CNTNAP2: variants seen among roughly 807,000 people sequenced by gnomAD.
CNTNAP2 encodes the protein contactin-associated protein-like 2.
CNTNAP2 carries 98 observed loss-of-function variants against 155.2 expected under a neutral mutation model. The observed-to-expected ratio is 0.63, with a 90% CI of 0.54 to 0.75. The LOEUF (loss-of-function observed/expected upper bound fraction) is 0.75. CNTNAP2 is among the 30% of genes least tolerant of loss of function. The probability of loss-of-function intolerance (pLI) is 0.00; values close to 1 mark genes in which losing one functional copy is unlikely to be tolerated. For synonymous variants in CNTNAP2, 651 were observed against 631.2 expected, an observed-to-expected ratio of 1.03 and a Z score of -0.47; for missense variants, 1,727 against 1,688.1, an observed-to-expected ratio of 1.02 and a Z score of -0.40.
intron 8 of CNTNAP2, among the ~76,000 whole-genome samples, chr7:147,161,386 A>G (rs1265986232): frequency 2.0e-5 from 3 of 152,166 alleles, no homozygotes; most frequent in Non-Finnish European, 4.4e-5. Flanking sequence ...ACATATGTGT[A>G]TATTAACATA....
At chr7:147,747,240 C>T (rs1034109906) in intron 13 of CNTNAP2, among the ~76,000 whole-genome samples, 1 of 152,172 alleles carries the variant, frequency 6.6e-6, no homozygotes, top group Non-Finnish European at 1.5e-5. Context: ...TCATGTCCTC[C>T]TTTGTGTCTT....
At chr7:146,714,981 T>G (rs185959511) in intron 1 of CNTNAP2, among the ~76,000 whole-genome samples, 4 of 152,284 alleles carry the variant, frequency 2.6e-5, no homozygotes, top group Admixed American at 2.6e-4. Flanking sequence ...CTCAGGTAAT[T>G]CCTACCCTAT....
At chr7:147,036,799 G>C (rs1005378539) in intron 3 of CNTNAP2, among the ~76,000 whole-genome samples, 1 of 152,012 alleles carries the variant, frequency 6.6e-6, no homozygotes, top group Non-Finnish European at 1.5e-5. Flanking sequence ...TTTAATTTTT[G>C]ATGCAGGTTT....
intron 13 of CNTNAP2, among the ~76,000 whole-genome samples, chr7:147,687,735 G>A (rs1363454453): frequency 6.6e-6 from 1 of 152,092 alleles, no homozygotes; most frequent in Non-Finnish European, 1.5e-5. Context: ...CAATTATGGG[G>A]GAGGAGCAAA....
intron 8 of CNTNAP2, among the ~76,000 whole-genome samples, chr7:147,179,757 T>C (rs565610257): frequency 3.3e-5 from 5 of 152,132 alleles, no homozygotes; most frequent in Non-Finnish European, 5.9e-5. Context: ...GAGAGAAATA[T>C]AGGAAAACTC....
chr7:148,087,452 T>A (rs1203609010), intron 15 of CNTNAP2, among the ~76,000 whole-genome samples: 1 of 152,146 alleles, frequency 6.6e-6, no homozygotes, highest in Non-Finnish European at 1.5e-5. Context: ...AACTTTTCTC[T>A]CTCAAGCATC....
At chr7:148,213,164 T>C (rs1795577516) in intron 18 of CNTNAP2, among the ~76,000 whole-genome samples, 1 of 152,100 alleles carries the variant, frequency 6.6e-6, no homozygotes, top group South Asian at 2.1e-4. Flanking sequence ...TCTCACACCC[T>C]TGTGCGCATA....
chr7:146,207,352 G>C (rs1798962432), intron 1 of CNTNAP2, among the ~76,000 whole-genome samples: 1 of 151,794 alleles, frequency 6.6e-6, no homozygotes, highest in African/African-American at 2.4e-5. Context: ...TTGGAGACTT[G>C]GTTTTCTTTA....
chr7:146,161,316 C>T (rs547904083), intron 1 of CNTNAP2, among the ~76,000 whole-genome samples: 2 of 152,214 alleles, frequency 1.3e-5, no homozygotes, highest in African/African-American at 4.8e-5. Context: ...TCTCTCACCA[C>T]TCCTATTCAA....
chr7:146,711,819 A>T (rs188720582), intron 1 of CNTNAP2, among the ~76,000 whole-genome samples: 172 of 93,922 alleles, frequency 1.8e-3, no homozygotes, highest in Middle Eastern at 0.015. Flanking sequence ...TTATGTATAC[A>T]ATATAGTATA....
intron 22 of CNTNAP2, among the ~76,000 whole-genome samples, chr7:148,393,565 T>G (rs1563071324): frequency 6.6e-6 from 1 of 152,234 alleles, no homozygotes; most frequent in Non-Finnish European, 1.5e-5. Flanking sequence ...AAAATCAGTT[T>G]CTACAGTGTT....
At chr7:146,522,667 G>A (rs1012387788) in intron 1 of CNTNAP2, among the ~76,000 whole-genome samples, 1 of 151,548 alleles carries the variant, frequency 6.6e-6, no homozygotes, top group African/African-American at 2.4e-5. Context: ...ATAGTATCAG[G>A]AAAATATAAG....
At chr7:147,911,139 G>A (rs908202836) in intron 14 of CNTNAP2, among the ~76,000 whole-genome samples, 3 of 151,946 alleles carry the variant, frequency 2.0e-5, no homozygotes, top group Non-Finnish European at 2.9e-5. Context: ...CCTAGCCCCT[G>A]GCCAGTTAAC....
chr7:147,348,443 ATAAGT>A (rs1795915150), intron 9 of CNTNAP2, among the ~76,000 whole-genome samples: 1 of 152,038 alleles, frequency 6.6e-6, no homozygotes, highest in Middle Eastern at 3.2e-3. Context: ...AAAAATCACA[ATAAGT>A]TATCGCACCG....
chr7:147,055,111 C>T (rs988689469), intron 4 of CNTNAP2, among the ~76,000 whole-genome samples: 1 of 152,146 alleles, frequency 6.6e-6, no homozygotes, highest in Non-Finnish European at 1.5e-5. Flanking sequence ...CATCTGAATA[C>T]TCTACCCTCA....
chr7:148,117,409 G>T (rs1370208820), intron 15 of CNTNAP2, among the ~76,000 whole-genome samples: 1 of 152,172 alleles, frequency 6.6e-6, no homozygotes, highest in East Asian at 1.9e-4. Context: ...AGCCTAGTCT[G>T]GTCACTTCTG....
At chr7:148,042,768 T>C (rs571633691) in intron 15 of CNTNAP2, among the ~76,000 whole-genome samples, 1 of 152,336 alleles carries the variant, frequency 6.6e-6, no homozygotes, top group African/African-American at 2.4e-5. Context: ...TCAATATGCC[T>C]GCATAATGCA....
intron 3 of CNTNAP2, among the ~76,000 whole-genome samples, chr7:146,885,623 A>C (rs908457917): frequency 6.6e-6 from 1 of 152,184 alleles, no homozygotes; most frequent in Admixed American, 6.6e-5. Context: ...TCTTACAGAG[A>C]AAGTTTCAGC....
chr7:148,061,635 G>A (rs1176649941), intron 15 of CNTNAP2, among the ~76,000 whole-genome samples: 2 of 151,778 alleles, frequency 1.3e-5, no homozygotes, highest in African/African-American at 2.4e-5. Context: ...GATTACAGGT[G>A]TGAGCCACCA....
Sources: gnomAD v4.1 joint callset for allele counts (sites outside exome capture counted in the v4.1 genomes callset) on GRCh38, gnomAD v4.1.1 for gene constraint, MANE v1.5 for transcripts, NCBI Gene and HGNC (gene_info 2026-07-23, HGNC 2026-07-21) for gene names.